Variants in TTLL5 observed in about 807,000 individuals in gnomAD.
TTLL5 encodes the protein tubulin tyrosine ligase like 5, also known as tubulin polyglutamylase TTLL5.
In TTLL5, 132 loss-of-function variants were observed where a neutral mutation model predicts 168.4. That is an observed-to-expected ratio of 0.78 (90% CI 0.68 to 0.91). TTLL5 has a LOEUF of 0.91. TTLL5 is among the 40% of genes least tolerant of loss of function. The pLI is 0.00. For synonymous variants in TTLL5, 546 were observed against 558.6 expected, an observed-to-expected ratio of 0.98 and a Z score of 0.32; for missense variants, 1,545 against 1,581.5, an observed-to-expected ratio of 0.98 and a Z score of 0.39.
chr14:75,949,175 A>G (rs1343744863), intron 31 of TTLL5, among the ~76,000 whole-genome samples: 1 of 152,010 alleles, frequency 6.6e-6, no homozygotes, highest in Admixed American at 6.6e-5. Flanking sequence ...TCCAAAATCA[A>G]TTACATTTCT....
At chr14:75,702,360 G>A (rs937249756) in intron 7 of TTLL5, among the ~76,000 whole-genome samples, 16 of 152,188 alleles carry the variant, frequency 1.1e-4, no homozygotes, top group African/African-American at 3.9e-4. Context: ...AGGAGCTCCA[G>A]TGTTGTTTGA....
intron 2 of TTLL5, among the ~76,000 whole-genome samples, chr14:75,665,834 AGAGT>A (rs1883213158): frequency 6.6e-6 from 1 of 152,254 alleles, no homozygotes; most frequent in Admixed American, 6.5e-5. Flanking sequence ...CCTGGGAGAC[AGAGT>A]GAGACTCCGT....
intron 7 of TTLL5, among the ~76,000 whole-genome samples, chr14:75,699,705 C>A (rs1886122497): frequency 6.6e-6 from 1 of 152,208 alleles, no homozygotes; most frequent in South Asian, 2.1e-4. Flanking sequence ...GCTGCTGCTT[C>A]TCCTTTCTCC....
chr14:75,711,338 T>C (rs1887063647), intron 9 of TTLL5: 2 of 152,016 alleles, frequency 1.3e-5, no homozygotes, highest in East Asian at 3.9e-4. Flanking sequence ...CACAGAGGGG[T>C]GCTATGCTCT....
intron 28 of TTLL5, chr14:75,837,100 T>C (rs892942488): frequency 3.3e-5 from 5 of 152,312 alleles, no homozygotes; most frequent in African/African-American, 1.2e-4. Context: ...AATTCTCTTA[T>C]AACATTGCAG....
chr14:75,869,150 A>C (rs578043182), intron 29 of TTLL5, among the ~76,000 whole-genome samples: 30 of 150,622 alleles, frequency 2.0e-4, no homozygotes, highest in African/African-American at 7.1e-4. Context: ...CTTTTGTTCT[A>C]TTTTATTTTC....
At position 75,696,336 on chromosome 14, in the gene TTLL5, C is replaced by T. The variant is rs183946122; in HGVS notation, c.503-2852C>T. Among the ~76,000 whole-genome samples the T allele has an allele frequency of 7.5e-4, 114 of 152,120 alleles. 1 individual carries two copies. The highest frequency in any genetic ancestry group is 6.3e-3 in the Admixed American group (96 of 15,290). On this transcript the variant is annotated intron_variant, in intron 6 of 31. Transcript: ENST00000298832. ...AAAGACTGTATTTTTTAATACTGTG[C>T]GCCCCACACCTAGCAAACTGATGGA...
At chr14:75,778,295 GTACATGGA>G (rs1300184676) in intron 23 of TTLL5, among the ~76,000 whole-genome samples, 2 of 152,202 alleles carry the variant, frequency 1.3e-5, no homozygotes, top group East Asian at 3.8e-4. Flanking sequence ...TTTGGTTTGA[GTACATGGA>G]TACTTTTCAG....
chr14:75,784,047 T>A (rs555364923), intron 26 of TTLL5, among the ~76,000 whole-genome samples: 1 of 152,370 alleles, frequency 6.6e-6, no homozygotes, highest in African/African-American at 2.4e-5. Flanking sequence ...AAATTCACCC[T>A]TTTAAAATGT....
chr14:75,763,322 T>C (rs1278234576), intron 18 of TTLL5, among the ~76,000 whole-genome samples: 2 of 151,426 alleles, frequency 1.3e-5, no homozygotes, highest in African/African-American at 4.9e-5. Context: ...ATTGGAACCA[T>C]TTTTAAAGTT....
chr14:75,804,994 TCTTA>T (rs1893565406), intron 27 of TTLL5, among the ~76,000 whole-genome samples: 1 of 152,190 alleles, frequency 6.6e-6, no homozygotes, highest in South Asian at 2.1e-4. Flanking sequence ...TTTAAACTCA[TCTTA>T]CTTGTACTGC....
intron 15 of TTLL5, among the ~76,000 whole-genome samples, chr14:75,743,025 G>A (rs901817203): frequency 1.3e-5 from 2 of 152,104 alleles, no homozygotes; most frequent in African/African-American, 4.8e-5. Context: ...TTTACTTCTA[G>A]CCATGATTGA....
At position 75,677,786 on chromosome 14, in the gene TTLL5, TA is replaced by T. The variant is rs1319368560; in HGVS notation, c.182-3748del. On this transcript the variant is annotated intron_variant, in intron 3 of 31. Coordinates refer to ENST00000298832, the MANE Select transcript of TTLL5 (RefSeq NM_015072.5). Reference sequence around the variant, plus strand: ...GCGCCCACCCGTACACTTGGCTAATTAAAAAAAAAAATTTTTTTTTTTTTTG... The same window carrying T: ...GCGCCCACCCGTACACTTGGCTAATTAAAAAAAAAATTTTTTTTTTTTTTG... Among the ~76,000 whole-genome samples, 227 of 149,696 alleles carry T rather than the reference TA, an allele frequency of 1.5e-3. 1 individual carries two copies. The highest frequency in any genetic ancestry group is 5.3e-3 in the African/African-American group (215 of 40,794).
chr14:75,757,977 G>A (rs1048537233), intron 18 of TTLL5: 8 of 1,134,914 alleles, frequency 7.0e-6, no homozygotes, highest in Non-Finnish European at 9.2e-6. Context: ...GGTTCAGCTT[G>A]AATAGTAACA....
At position 75,745,595 on chromosome 14, in the gene TTLL5, CT is replaced by C. The variant is rs200428868; in HGVS notation, c.1487+24del. ...GGAAATATATGGGTGAGGTGACTAC[CT>C]TTTTTTTTTATTCTTTACCTGAGGT... On this transcript the variant is annotated intron_variant, in intron 17 of 31. Coordinates refer to ENST00000298832, the MANE Select transcript of TTLL5 (RefSeq NM_015072.5). 5,421 of 1,394,364 alleles carry C rather than the reference CT, an allele frequency of 3.9e-3. No homozygotes were observed. The highest frequency in any genetic ancestry group is 7.3e-3 in the South Asian group (534 of 72,786). The allele number at this position is 1,394,364 out of a possible 1,614,324, so 86.4% of individuals were successfully genotyped here. A position where few individuals can be genotyped will look rare whatever the true frequency, so the allele number is the denominator to read the frequency against.
At chr14:75,730,834 C>T (rs1184407940) in intron 12 of TTLL5, among the ~76,000 whole-genome samples, 1 of 152,126 alleles carries the variant, frequency 6.6e-6, no homozygotes, top group Non-Finnish European at 1.5e-5. Context: ...ATTCTCCTGC[C>T]TCAGCCTCCT....
At chr14:75,789,351 G>GT (rs1236717165) in intron 26 of TTLL5, among the ~76,000 whole-genome samples, 2 of 152,128 alleles carry the variant, frequency 1.3e-5, no homozygotes, top group African/African-American at 4.8e-5. Context: ...ACAAAATTGT[G>GT]TAATTGCAGA....
chr14:75,829,114 C>G (rs117405986), intron 28 of TTLL5, among the ~76,000 whole-genome samples: 2,668 of 152,220 alleles, frequency 0.018, 29 homozygotes, highest in Admixed American at 0.027. Context: ...GGTGAGAGTT[C>G]CGAGGAGAAA....
In TTLL5 at chr14:75,783,558, C is replaced by T. The variant is rs367949457; in HGVS notation, c.2986+28C>T. On this transcript the variant is annotated intron_variant, in intron 26 of 31. Coordinates refer to ENST00000298832, the MANE Select transcript of TTLL5 (RefSeq NM_015072.5). ...GAGTGAGAGAACGAAAGACAGTCCA[C>T]AATGTGAGCTCCTCCCCAGCCCCAA... 1.4e-5 allele frequency: 23 copies of T among 1,600,878 alleles called. No homozygotes were observed. The South Asian group carries it at 2.0e-4, about 14-fold the overall frequency.
Sources: allele counts gnomAD v4.1 joint callset (sites outside exome capture counted in the v4.1 genomes callset), GRCh38; gene constraint gnomAD v4.1.1; transcripts MANE v1.5; gene names NCBI Gene and HGNC (gene_info 2026-07-23, HGNC 2026-07-21).